The following EFCAB6 variants were observed in gnomAD, a reference collection of about 807,000 sequenced individuals.
EFCAB6 encodes EF-hand calcium binding domain 6.
In EFCAB6, 156 loss-of-function variants were observed where a neutral mutation model predicts 169.8. The ratio of observed to expected loss-of-function variants is 0.92; its 90% CI spans 0.81 to 1.05. EFCAB6 has a LOEUF of 1.05. EFCAB6 is among the 50% of genes least tolerant of loss of function. The pLI, the probability that EFCAB6 is intolerant of heterozygous loss-of-function variation, is 0.00. For missense variants in EFCAB6, 1,800 were observed against 1,829.1 expected, an observed-to-expected ratio of 0.98 and a Z score of 0.29; for synonymous variants, 698 against 676.4, an observed-to-expected ratio of 1.03 and a Z score of -0.50.
At chr22:43,539,426 G>T (rs1325159452) in intron 28 of EFCAB6, among the ~76,000 whole-genome samples, 1 of 152,230 alleles carries the variant, frequency 6.6e-6, no homozygotes, top group Non-Finnish European at 1.5e-5. Context: ...CACACAGTAG[G>T]TGTGCAATAA....
At chr22:43,805,839 C>T (rs1233575696) in intron 2 of EFCAB6, among the ~76,000 whole-genome samples, 1 of 152,050 alleles carries the variant, frequency 6.6e-6, no homozygotes, top group Non-Finnish European at 1.5e-5. Context: ...ATGGATTATG[C>T]ATCAATAAAA....
intron 6 of EFCAB6, among the ~76,000 whole-genome samples, chr22:43,745,562 G>A (rs1354272338): frequency 2.0e-5 from 3 of 152,144 alleles, no homozygotes; most frequent in Admixed American, 1.3e-4. Context: ...AGGGGAGGGG[G>A]CTTCGGGCAC....
chr22:43,702,994 C>T (rs1345723895), intron 10 of EFCAB6, among the ~76,000 whole-genome samples: 2 of 152,222 alleles, frequency 1.3e-5, no homozygotes, highest in African/African-American at 4.8e-5. Flanking sequence ...CAAGGACCCA[C>T]ATAGGCAGGA....
At chr22:43,784,502 AAT>A (rs1556409780) in intron 2 of EFCAB6, among the ~76,000 whole-genome samples, 10 of 86,864 alleles carry the variant, frequency 1.2e-4, no homozygotes, top group African/African-American at 2.8e-4. Flanking sequence ...AAAAAAAAAA[AAT>A]ATATATATGT....
At chr22:43,571,024 CAG>C (rs1279013029) in intron 26 of EFCAB6, among the ~76,000 whole-genome samples, 3 of 152,188 alleles carry the variant, frequency 2.0e-5, no homozygotes, top group Non-Finnish European at 4.4e-5. Flanking sequence ...GGAGCAATGA[CAG>C]GGGAGGACTC....
chr22:43,714,180 T>A (rs867829860), intron 9 of EFCAB6, among the ~76,000 whole-genome samples: 20 of 152,198 alleles, frequency 1.3e-4, no homozygotes, highest in African/African-American at 4.6e-4. Flanking sequence ...AAGGATGAGA[T>A]TTAAATTAGT....
chr22:43,531,629 CAT>C (rs1480501067), intron 30 of EFCAB6, among the ~76,000 whole-genome samples: 1 of 152,154 alleles, frequency 6.6e-6, no homozygotes, highest in Non-Finnish European at 1.5e-5. Context: ...TGAATTTTAA[CAT>C]AACACTATGT....
intron 17 of EFCAB6, among the ~76,000 whole-genome samples, chr22:43,663,494 C>G (rs1020901291): frequency 4.6e-5 from 7 of 152,222 alleles, no homozygotes; most frequent in Non-Finnish European, 1.0e-4. Context: ...AACCCAGGTC[C>G]ATAGTAGCCT....
intron 24 of EFCAB6, 136 bp from the exon 25 acceptor site, chr22:43,580,795 G>A (rs4823114): frequency 0.73 from 634,636 of 870,196 alleles, 232,659 homozygotes; most frequent in Admixed American, 0.84. Flanking sequence ...TTCGCTGTAC[G>A]TGCAGACATG....
intron 27 of EFCAB6, among the ~76,000 whole-genome samples, chr22:43,545,407 T>C (rs1366815144): frequency 6.6e-6 from 1 of 152,158 alleles, no homozygotes. Context: ...AAACACCCAG[T>C]TGATGGATAC....
chr22:43,582,803 A>T (rs1160982200), intron 24 of EFCAB6, among the ~76,000 whole-genome samples: 1 of 152,176 alleles, frequency 6.6e-6, no homozygotes, highest in Non-Finnish European at 1.5e-5. Flanking sequence ...CCTGAAGGTC[A>T]AAAATATTGA....
intron 17 of EFCAB6, among the ~76,000 whole-genome samples, chr22:43,654,978 C>A (rs562425349): frequency 6.6e-6 from 1 of 152,180 alleles, no homozygotes; most frequent in Non-Finnish European, 1.5e-5. Context: ...ACATGTGAGG[C>A]CAGGCGCTGT....
chr22:43,598,036 G>A (rs1217121160), intron 23 of EFCAB6, among the ~76,000 whole-genome samples: 2 of 152,144 alleles, frequency 1.3e-5, no homozygotes, highest in Admixed American at 6.5e-5. Context: ...TCTCAGCTGG[G>A]CGCAGTGGCT....
chr22:43,784,716 C>CAT (rs1445484512), intron 2 of EFCAB6, among the ~76,000 whole-genome samples: 18 of 125,582 alleles, frequency 1.4e-4, no homozygotes, highest in African/African-American at 5.2e-4. Context: ...CACACACACA[C>CAT]ACATATATAT....
intron 17 of EFCAB6, among the ~76,000 whole-genome samples, chr22:43,654,312 T>C (rs151158368): frequency 2.6e-5 from 4 of 152,356 alleles, no homozygotes; most frequent in South Asian, 2.1e-4. Context: ...CTGTGCACCA[T>C]GGATTTCTTC....
At chr22:43,649,276 G>A (rs562131593) in intron 17 of EFCAB6, among the ~76,000 whole-genome samples, 2 of 152,146 alleles carry the variant, frequency 1.3e-5, no homozygotes, top group East Asian at 1.9e-4. Context: ...AGAACAAATC[G>A]CAGTGGCAAA....
rs976271210 is a variant in EFCAB6, at chr22:43,676,311, G to A, written c.1419+1685C>T. On this transcript the variant is annotated intron_variant, in intron 13 of 31. Coordinates refer to ENST00000262726, the MANE Select transcript of EFCAB6 (RefSeq NM_022785.4). ...AGGCGCCTATAGTCCCAGCTACTTG[G>A]GAGGCTGAGGCAGGAGAATTGCTTG... Among the ~76,000 whole-genome samples the A allele has an allele frequency of 9.9e-5, 15 of 151,770 alleles. 1 individual carries two copies. In the South Asian group the frequency reaches 2.9e-3, roughly 30 times the overall value.
intron 30 of EFCAB6, chr22:43,531,913 T>C (rs2047092187): frequency 6.6e-6 from 1 of 152,064 alleles, no homozygotes; most frequent in Admixed American, 6.5e-5. Context: ...AGGACATCTT[T>C]CTGCTGCCTA....
At chr22:43,685,023 G>A (rs561356057) in intron 11 of EFCAB6, among the ~76,000 whole-genome samples, 10 of 152,174 alleles carry the variant, frequency 6.6e-5, no homozygotes, top group East Asian at 1.9e-4. Context: ...GCCTAAAATC[G>A]CAAAAAGCAC....
Sources: gnomAD v4.1 joint callset for allele counts (sites outside exome capture counted in the v4.1 genomes callset) on GRCh38, gnomAD v4.1.1 for gene constraint, MANE v1.5 for transcripts, NCBI Gene and HGNC (gene_info 2026-07-23, HGNC 2026-07-21) for gene names.